Variants in ZNF473 observed in about 807,000 individuals in gnomAD.
ZNF473 encodes the protein zinc finger protein 100 homolog.
Under a neutral mutation model 11.1 loss-of-function variants are expected in ZNF473, and 4 were observed. The ratio of observed to expected loss-of-function variants is 0.36; its 90% CI spans 0.18 to 0.82. The LOEUF (loss-of-function observed/expected upper bound fraction) is 0.82, where lower values mean the gene tolerates loss of function less well. ZNF473 is among the 40% of genes least tolerant of loss of function. ZNF473 has a pLI of 0.49. For synonymous variants in ZNF473, 404 were observed against 390.4 expected (o/e 1.03, Z -0.41); for missense variants, 854 against 1,084.0 (o/e 0.79, Z 2.98).
intron 2 of ZNF473, among the ~76,000 whole-genome samples, chr19:50,037,919 A>G (rs1434300480): frequency 6.6e-6 from 1 of 151,832 alleles, no homozygotes; most frequent in Non-Finnish European, 1.5e-5. Flanking sequence ...CCAATTCCTT[A>G]TAGTGAAAAC....
intron 1 of ZNF473, among the ~76,000 whole-genome samples, chr19:50,028,664 G>T (rs1024494082): frequency 6.6e-6 from 1 of 152,106 alleles, no homozygotes; most frequent in African/African-American, 2.4e-5. Flanking sequence ...AACTAACTTC[G>T]TGGGATGTAG....
At chr19:50,026,410 G>T (rs2077276083) in intron 1 of ZNF473, among the ~76,000 whole-genome samples, 1 of 152,138 alleles carries the variant, frequency 6.6e-6, no homozygotes, top group Non-Finnish European at 1.5e-5. Context: ...AATTAGTTGA[G>T]CGTGGTGGCG....
In ZNF473 at chr19:50,045,538, T is replaced by C. The variant is rs138226638; in HGVS notation, c.1095T>C (p.His365=). ...ACTTGAGAAAACACCTCATCCAACA[T>C]CAGAAAACTCACGCTGCAAAAACTA... ...TFNLRKHLIQ[H]QKTHAAKTTS... The change falls in exon 5 of 5, where the codon CAT becomes CAC. Residue 365 remains histidine, a synonymous_variant. Transcript: ENST00000270617. 6.3e-4 allele frequency: 1,009 copies of C among 1,614,094 alleles called. 13 individuals are homozygous for C. The East Asian group carries it at 0.021, about 34-fold the overall frequency.
At chr19:50,030,492 A>G (rs2077311988) in intron 1 of ZNF473, among the ~76,000 whole-genome samples, 1 of 152,214 alleles carries the variant, frequency 6.6e-6, no homozygotes, top group Non-Finnish European at 1.5e-5. Flanking sequence ...GCCTGGCAAC[A>G]GAGCAAGACC....
At chr19:50,028,196 G>A (rs1259071336) in intron 1 of ZNF473, among the ~76,000 whole-genome samples, 1 of 151,696 alleles carries the variant, frequency 6.6e-6, no homozygotes, top group Non-Finnish European at 1.5e-5. Context: ...TACTCAGGAG[G>A]CTGAGGCAGG....
At chr19:50,034,474 C>T (rs778524503) in intron 2 of ZNF473, among the ~76,000 whole-genome samples, 3 of 152,158 alleles carry the variant, frequency 2.0e-5, no homozygotes, top group East Asian at 1.9e-4. Context: ...CTAATGAAGG[C>T]GAACGCCACC....
chr19:50,026,903 G>T (rs938305300), intron 1 of ZNF473, among the ~76,000 whole-genome samples: 3 of 152,174 alleles, frequency 2.0e-5, no homozygotes, highest in African/African-American at 7.2e-5. Flanking sequence ...GGAGGGGAAT[G>T]AGTTACCTGA....
Position 50,044,739 on chromosome 19 carries a change from T to C in ZNF473, c.296T>C (p.Ile99Thr). The change falls in exon 5 of 5, where the codon ATA becomes ACA. Residue 99 changes from isoleucine (I) to threonine (T), a missense_variant. Coordinates refer to ENST00000270617, the MANE Select transcript of ZNF473 (RefSeq NM_015428.4). The stretch of plus-strand genomic sequence containing the variant: ...GAAGAAGGATTCTCCCAGGAGATTA[T>C]AGAGATGTTATCCAAGGATGGCTTC... The part of the protein sequence containing the change: ...FFEEGFSQEI[I>T]EMLSKDGFWN... 1.9e-6 allele frequency: 3 copies of C among 1,614,150 alleles called. No individual in the cohort carries two copies. Among genetic ancestry groups the C allele is most frequent in the South Asian group, 1.1e-5 (1 of 91,080 alleles).
At chr19:50,043,107 G>C (rs1006932902) in intron 4 of ZNF473, 5 of 152,170 alleles carry the variant, frequency 3.3e-5, no homozygotes, top group African/African-American at 1.2e-4. Flanking sequence ...TTCATGTTTT[G>C]TGAAGGATCC....
Position 50,031,039 on chromosome 19 carries a change from G to A in ZNF473, c.-44G>A. 1.9e-6 allele frequency: 3 copies of A among 1,559,060 alleles called. No homozygotes were observed. Among genetic ancestry groups the A allele is most frequent in the Non-Finnish European group, 2.6e-6 (3 of 1,151,194 alleles). On this transcript the variant is annotated 5_prime_UTR_variant, in exon 2 of 5. Transcript: ENST00000270617. ...CCCTGCCAGCCGGGAACACGGAGGG[G>A]AAGGAGGAGGAGCTTAAAAGAGGCT...
Position 50,026,087 on chromosome 19 carries a change from G to T in ZNF473, c.-227G>T, listed in dbSNP as rs930739463. Reference sequence around the variant, plus strand: ...AATCTCCCGCTCCCTTGAGGCTGGGGTTGCGTCTGTTGACGCGGCCGACTA... The same window carrying T: ...AATCTCCCGCTCCCTTGAGGCTGGGTTTGCGTCTGTTGACGCGGCCGACTA... On this transcript the variant is annotated 5_prime_UTR_variant, in exon 1 of 5. Transcript: ENST00000270617. The T allele has an allele frequency of 6.5e-6, 1 of 152,696 alleles. No homozygotes were observed. Among genetic ancestry groups the T allele is most frequent in the South Asian group, 2.1e-4 (1 of 4,836 alleles). 9.5% of individuals were successfully genotyped at this position (152,696 alleles called of 1,614,324 possible). A position where few individuals can be genotyped will look rare whatever the true frequency, so the allele number is the denominator to read the frequency against.
intron 1 of ZNF473, among the ~76,000 whole-genome samples, chr19:50,027,546 A>G (rs1039241456): frequency 6.6e-6 from 1 of 152,074 alleles, no homozygotes; most frequent in African/African-American, 2.4e-5. Context: ...CTGAGAGTAT[A>G]TGAGATGTGG....
chr19:50,045,202 T>C lies in ZNF473; in HGVS notation c.759T>C (p.Ser253=). 6.2e-7 allele frequency: 1 copy of C among 1,614,204 alleles called. No individual in the cohort carries two copies. Among genetic ancestry groups the C allele is most frequent in the Non-Finnish European group, 8.5e-7 (1 of 1,180,048 alleles). Residue 253 remains serine (S), a synonymous_variant, in exon 5 of 5, where the codon TCT becomes TCC. Transcript: ENST00000270617. ...EQGFDRNASL[S]VYPKTHTGYK... ...GTTTTGACCGGAATGCTTCCCTTTCTGTGTATCCGAAAACTCACACGGGCT... is the reference window on the plus strand; with the variant it reads ...GTTTTGACCGGAATGCTTCCCTTTCCGTGTATCCGAAAACTCACACGGGCT...
chr19:50,030,168 G>T (rs8112178), intron 1 of ZNF473, among the ~76,000 whole-genome samples: 7,973 of 152,202 alleles, frequency 0.052, 684 homozygotes, highest in African/African-American at 0.18. Context: ...CATATTGGTG[G>T]TGTTACTGTG....
rs1979074902 is a variant in ZNF473 at position 50,045,793 on chromosome 19, G to A, written c.1350G>A (p.Arg450=). The A allele has an allele frequency of 1.2e-6, 2 of 1,613,932 alleles. No individual in the cohort carries two copies. Among genetic ancestry groups the A allele is most frequent in the South Asian group, 2.2e-5 (2 of 91,084 alleles). Residue 450 remains arginine (R), a synonymous_variant, in exon 5 of 5, where the codon CGG becomes CGA. Coordinates refer to ENST00000270617, the MANE Select transcript of ZNF473 (RefSeq NM_015428.4). ...FHRHTHLNEH[R]RIHTGYRPHK... ...GGCACACTCACCTTAATGAACATCGGCGAATTCATACAGGCTACAGACCCC... is the reference window on the plus strand; with the variant it reads ...GGCACACTCACCTTAATGAACATCGACGAATTCATACAGGCTACAGACCCC...
intron 4 of ZNF473, 74 bp downstream of exon 4, chr19:50,041,893 T>C (rs1978797605): frequency 2.4e-6 from 3 of 1,224,624 alleles, no homozygotes; most frequent in Admixed American, 2.2e-5. Context: ...CAGCCAGCTT[T>C]CCCACAGGTC....
intron 1 of ZNF473, among the ~76,000 whole-genome samples, chr19:50,027,704 T>C (rs1259936183): frequency 1.3e-5 from 2 of 149,708 alleles, no homozygotes; most frequent in Non-Finnish European, 2.9e-5. Context: ...AGGGGAGAAT[T>C]GTGTTTTTTT....
Position 50,028,258 on chromosome 19 carries a change from A to G in ZNF473, c.-192+2136A>G, listed in dbSNP as rs544485541. ...GCTTGCAGCGAGCTGAGATCGCGCC[A>G]CTGCACTCCAGCCTGGGCGACAGAA... On this transcript the variant is annotated intron_variant, in intron 1 of 4. Transcript: ENST00000270617. 3.3e-5 allele frequency among the ~76,000 whole-genome samples: 5 copies of G among 150,616 alleles called. No individual in the cohort carries two copies. In the East Asian group the frequency reaches 9.9e-4, roughly 30 times the overall value.
At position 50,045,027 on chromosome 19, in the gene ZNF473, A is replaced by C; in HGVS notation, c.584A>C (p.Asp195Ala). The change falls in exon 5 of 5, where the codon GAC (aspartate) becomes GCC (alanine). Residue 195 changes from aspartate (D) to alanine (A), a missense_variant. Around this residue, in one of 2 missense-constraint regions of ZNF473, gnomAD observed 668 missense variants for 790.2 expected, o/e 0.85. Coordinates refer to ENST00000270617, the MANE Select transcript of ZNF473 (RefSeq NM_015428.4). ...EYRGEFFSYS[D>A]HSQQDSVQEG... ...AGGGGTGAGTTTTTCTCCTACTCCG[A>C]CCACAGCCAGCAGGATTCTGTTCAG... The C allele has an allele frequency of 6.2e-7, 1 of 1,614,208 alleles. No homozygotes were observed. The highest frequency in any genetic ancestry group is 8.5e-7 in the Non-Finnish European group (1 of 1,180,044).
Sources: allele counts gnomAD v4.1 joint callset (sites outside exome capture counted in the v4.1 genomes callset), GRCh38; gene constraint gnomAD v4.1.1; regional missense constraint gnomAD v4.1.1; transcripts MANE v1.5; gene names NCBI Gene and HGNC (gene_info 2026-07-23, HGNC 2026-07-21).